Variants in THRB observed in about 807,000 individuals in gnomAD.
The protein encoded by THRB is thyroid hormone receptor beta, also known as nuclear receptor subfamily 1 group A member 2.
In THRB, 12 loss-of-function variants were observed where a neutral mutation model predicts 47.8. That is an observed-to-expected ratio of 0.25 (90% CI 0.16 to 0.41). The LOEUF (loss-of-function observed/expected upper bound fraction) is 0.41, where lower values mean the gene tolerates loss of function less well. THRB is among the 10% of genes least tolerant of loss of function. The pLI is 1.00. For missense variants in THRB, 348 were observed against 589.2 expected (o/e 0.59, Z 4.24); for synonymous variants, 218 against 212.2 (o/e 1.03, Z -0.24).
intron 1 of THRB, among the ~76,000 whole-genome samples, chr3:24,492,057 T>C (rs1242521184): frequency 2.0e-5 from 3 of 152,224 alleles, no homozygotes; most frequent in African/African-American, 7.2e-5. Flanking sequence ...AACACACACA[T>C]ACACATGCAC....
At chr3:24,295,475 G>A (rs181025874) in intron 3 of THRB, among the ~76,000 whole-genome samples, 109 of 152,306 alleles carry the variant, frequency 7.2e-4, no homozygotes, top group Non-Finnish European at 1.1e-3. Context: ...ACTTTTTACT[G>A]TGACATAACT....
At chr3:24,332,432 A>C (rs1315467573) in intron 2 of THRB, among the ~76,000 whole-genome samples, 1 of 152,200 alleles carries the variant, frequency 6.6e-6, no homozygotes, top group Non-Finnish European at 1.5e-5. Flanking sequence ...GGCAGCCCCA[A>C]AATAATACTT....
At chr3:24,399,287 G>C (rs922965716) in intron 1 of THRB, among the ~76,000 whole-genome samples, 1 of 151,004 alleles carries the variant, frequency 6.6e-6, no homozygotes, top group South Asian at 2.1e-4. Context: ...TCAAAATTAT[G>C]CCTCCCTCAG....
intron 3 of THRB, among the ~76,000 whole-genome samples, chr3:24,293,931 A>G (rs1314931813): frequency 6.6e-6 from 1 of 152,200 alleles, no homozygotes; most frequent in African/African-American, 2.4e-5. Flanking sequence ...CCAGTGTGGT[A>G]GATTGTTTCC....
intron 4 of THRB, 133 bp from the exon 5 acceptor site, chr3:24,190,467 T>A: frequency 1.7e-6 from 2 of 1,153,228 alleles, no homozygotes; most frequent in Non-Finnish European, 2.6e-6. Flanking sequence ...TTGACGGGAG[T>A]GATAAGATGC....
chr3:24,402,618 A>C (rs1321634260), intron 1 of THRB, among the ~76,000 whole-genome samples: 2 of 151,952 alleles, frequency 1.3e-5, no homozygotes, highest in East Asian at 1.9e-4. Context: ...AAAATGTATC[A>C]ATTAAACACA....
chr3:24,476,191 T>C (rs907244312), intron 1 of THRB, among the ~76,000 whole-genome samples: 1 of 152,216 alleles, frequency 6.6e-6, no homozygotes, highest in Non-Finnish European at 1.5e-5. Flanking sequence ...TTTCACCCCA[T>C]GGACTGGTTC....
At chr3:24,460,099 G>T (rs892433011) in intron 1 of THRB, among the ~76,000 whole-genome samples, 6 of 152,162 alleles carry the variant, frequency 3.9e-5, no homozygotes, top group African/African-American at 1.4e-4. Flanking sequence ...ATTATTCTAT[G>T]CTCATTAAGG....
chr3:24,396,127 G>T (rs9828770), intron 1 of THRB, among the ~76,000 whole-genome samples: 133,896 of 152,010 alleles, frequency 0.88, 60,185 homozygotes, highest in Non-Finnish European at 0.96. Context: ...GAATAGTATG[G>T]TATGTGAATT....
chr3:24,229,028 C>T, intron 3 of THRB, 27 bp from the exon 4 acceptor site: 1 of 1,297,640 alleles, frequency 7.7e-7, no homozygotes, highest in East Asian at 2.3e-5. Flanking sequence ...CAAAAAAAAT[C>T]ACAGATTATA....
At chr3:24,462,152 A>G (rs2073757441) in intron 1 of THRB, among the ~76,000 whole-genome samples, 1 of 145,394 alleles carries the variant, frequency 6.9e-6, no homozygotes, top group Admixed American at 6.9e-5. Flanking sequence ...AAAGCATTAG[A>G]ACATAATGGC....
At chr3:24,262,114 A>G (rs1036233750) in intron 3 of THRB, among the ~76,000 whole-genome samples, 29 of 152,222 alleles carry the variant, frequency 1.9e-4, no homozygotes, top group African/African-American at 6.8e-4. Context: ...TGATATGTCC[A>G]AACTAGATTA....
At chr3:24,289,211 A>T (rs145674491) in intron 3 of THRB, among the ~76,000 whole-genome samples, 45 of 152,328 alleles carry the variant, frequency 3.0e-4, no homozygotes, top group African/African-American at 1.1e-3. Flanking sequence ...TAAAGAAATG[A>T]AACACGTAGG....
chr3:24,290,952 A>G (rs1472518117), intron 3 of THRB, among the ~76,000 whole-genome samples: 2 of 152,212 alleles, frequency 1.3e-5, no homozygotes, highest in African/African-American at 2.4e-5. Context: ...TCCGTACCAA[A>G]GAGAAGTGGT....
intron 9 of THRB, among the ~76,000 whole-genome samples, chr3:24,130,444 A>G (rs1157431932): frequency 6.6e-6 from 1 of 152,126 alleles, no homozygotes; most frequent in African/African-American, 2.4e-5. Flanking sequence ...GAAAAAAACC[A>G]TCTCAGGGGC....
At chr3:24,335,477 T>G (rs1452909678) in intron 2 of THRB, among the ~76,000 whole-genome samples, 1 of 152,254 alleles carries the variant, frequency 6.6e-6, no homozygotes, top group Non-Finnish European at 1.5e-5. Context: ...TACAGTATTT[T>G]CATTCACTAA....
At chr3:24,333,731 A>T (rs2062066179) in intron 2 of THRB, among the ~76,000 whole-genome samples, 2 of 152,220 alleles carry the variant, frequency 1.3e-5, no homozygotes, top group Admixed American at 1.3e-4. Context: ...TCAATAGTGA[A>T]CTAAATTTGT....
At chr3:24,295,801 C>T (rs1219692606) in intron 3 of THRB, among the ~76,000 whole-genome samples, 1 of 152,206 alleles carries the variant, frequency 6.6e-6, no homozygotes, top group African/African-American at 2.4e-5. Context: ...CTCCAGCTGT[C>T]AGGTTCCCTA....
chr3:24,396,959 TC>T (rs1416008851), intron 1 of THRB, among the ~76,000 whole-genome samples: 1 of 152,132 alleles, frequency 6.6e-6, no homozygotes, highest in Admixed American at 6.6e-5. Flanking sequence ...ATTTACCAGT[TC>T]TTTTTTTGCT....
Sources: allele counts gnomAD v4.1 joint callset (sites outside exome capture counted in the v4.1 genomes callset), GRCh38; gene constraint gnomAD v4.1.1; transcripts MANE v1.5; gene names NCBI Gene and HGNC (gene_info 2026-07-23, HGNC 2026-07-21).